LGSN: variants seen among roughly 807,000 people sequenced by gnomAD.
LGSN encodes lengsin.
A neutral mutation model predicts 19.5 loss-of-function variants in LGSN; 21 were observed. That is an observed-to-expected ratio of 1.07 (90% CI 0.76 to 1.55). The LOEUF is 1.55. LGSN is among the 40% of genes most tolerant of loss of function. LGSN has a pLI of 0.00. For missense variants in LGSN, 673 were observed against 608.5 expected, an observed-to-expected ratio of 1.11 and a Z score of -1.12; for synonymous variants, 257 against 215.6, an observed-to-expected ratio of 1.19 and a Z score of -1.68.
At chr6:63,458,153 C>T in the LGSN span, among the ~76,000 whole-genome samples, 1 of 152,046 alleles carries the variant, frequency 6.6e-6, no homozygotes, top group Non-Finnish European at 1.5e-5. Flanking sequence ...CTGCAGCCTC[C>T]ACCTCTGGGG....
At chr6:63,338,534 T>C in the LGSN span, among the ~76,000 whole-genome samples, 5,042 of 152,266 alleles carry the variant, frequency 0.033, 286 homozygotes, top group African/African-American at 0.12. Context: ...ATTTCTGTAG[T>C]ATCAGTCGTA....
chr6:63,531,795 A>G, the LGSN span, among the ~76,000 whole-genome samples: 1 of 151,516 alleles, frequency 6.6e-6, no homozygotes, highest in South Asian at 2.1e-4. Context: ...CCAGCCTCCC[A>G]TAACACTTTT....
chr6:63,363,729 G>A, the LGSN span, among the ~76,000 whole-genome samples: 1 of 152,204 alleles, frequency 6.6e-6, no homozygotes, highest in Non-Finnish European at 1.5e-5. Context: ...TCGGATTGGT[G>A]TACCTGAAAG....
the LGSN span, among the ~76,000 whole-genome samples, chr6:63,376,907 A>G: frequency 6.6e-6 from 1 of 152,194 alleles, no homozygotes; most frequent in Non-Finnish European, 1.5e-5. Flanking sequence ...GAGTGTTCCT[A>G]GGCTTCCAAA....
upstream of LGSN, among the ~76,000 whole-genome samples, chr6:63,322,453 A>T (rs1769106641): frequency 6.6e-6 from 1 of 152,158 alleles, no homozygotes. Context: ...TAAGAACATA[A>T]CAACCACGAC....
intron 1 of LGSN, among the ~76,000 whole-genome samples, chr6:63,302,755 C>T (rs1234250921): frequency 6.6e-6 from 1 of 152,126 alleles, no homozygotes; most frequent in Non-Finnish European, 1.5e-5. Flanking sequence ...AATATGAATT[C>T]ATTGTCGAGT....
chr6:63,548,809 G>T, the LGSN span: 1 of 738,352 alleles, frequency 1.4e-6, no homozygotes, highest in South Asian at 1.4e-5. Context: ...CAGTGACGGC[G>T]GATCTCATTG....
the LGSN span, among the ~76,000 whole-genome samples, chr6:63,450,839 A>G: frequency 7.9e-5 from 12 of 151,826 alleles, no homozygotes; most frequent in Middle Eastern, 3.4e-3. Flanking sequence ...CACCTGGCCA[A>G]TTTTTTGTAT....
Position 63,285,756 on chromosome 6 carries a change from G to T in LGSN, c.164-3C>A. 1 of 1,611,642 alleles carries T rather than the reference G, an allele frequency of 6.2e-7. No individual in the cohort carries two copies. The highest frequency in any genetic ancestry group is 8.5e-7 in the Non-Finnish European group (1 of 1,178,786). ...TTGACTGCTGTCCCTCATGCAATCTGCAAAATAAAAAAATAGGTTCTAACT... is the reference window on the plus strand; with the variant it reads ...TTGACTGCTGTCCCTCATGCAATCTTCAAAATAAAAAAATAGGTTCTAACT... On this transcript the variant is annotated splice_polypyrimidine_tract_variant and splice_region_variant and intron_variant, in intron 2 of 3. Coordinates refer to ENST00000370657, the MANE Select transcript of LGSN (RefSeq NM_016571.3).
the LGSN span, among the ~76,000 whole-genome samples, chr6:63,485,787 G>T: frequency 6.6e-6 from 1 of 152,106 alleles, no homozygotes; most frequent in Non-Finnish European, 1.5e-5. Flanking sequence ...GGAGTGCAGT[G>T]GCATGATCTC....
At chr6:63,357,584 G>A in the LGSN span, among the ~76,000 whole-genome samples, 3 of 152,188 alleles carry the variant, frequency 2.0e-5, no homozygotes, top group Non-Finnish European at 2.9e-5. Context: ...GATGGCCACT[G>A]ATGATGAACA....
At chr6:63,491,796 C>T in the LGSN span, among the ~76,000 whole-genome samples, 264 of 152,186 alleles carry the variant, frequency 1.7e-3, 2 homozygotes, top group Middle Eastern at 6.8e-3. Flanking sequence ...TCTGGGAGGC[C>T]GAGGCGGGCG....
the LGSN span, among the ~76,000 whole-genome samples, chr6:63,419,552 A>G: frequency 1.3e-5 from 2 of 152,054 alleles, no homozygotes; most frequent in African/African-American, 4.8e-5. Context: ...CCTCCTTACC[A>G]GGGAAGCTTG....
chr6:63,327,197 T>A, the LGSN span, among the ~76,000 whole-genome samples: 6 of 152,184 alleles, frequency 3.9e-5, no homozygotes, highest in African/African-American at 7.2e-5. Context: ...CAGTAGAAGT[T>A]GTTAGTTGAA....
chr6:63,445,399 C>G, the LGSN span, among the ~76,000 whole-genome samples: 1 of 152,274 alleles, frequency 6.6e-6, no homozygotes, highest in East Asian at 1.9e-4. Flanking sequence ...GGGCAGATCA[C>G]TTGAGGTCAG....
At chr6:63,320,027 CA>C (rs1769031376), upstream of LGSN, 1 of 1,006,768 alleles carries the variant, frequency 9.9e-7, no homozygotes, top group Non-Finnish European at 1.6e-6. Context: ...GTACCTACAA[CA>C]AAGACTGCAG....
chr6:63,452,484 C>T, the LGSN span, among the ~76,000 whole-genome samples: 2 of 152,122 alleles, frequency 1.3e-5, no homozygotes, highest in Admixed American at 1.3e-4. Context: ...TTCAGATTTT[C>T]TGTCTCTTCT....
chr6:63,292,045 A>G (rs1269992006), intron 2 of LGSN, among the ~76,000 whole-genome samples: 2 of 152,182 alleles, frequency 1.3e-5, no homozygotes, highest in Admixed American at 6.5e-5. Context: ...CACAGAAAGG[A>G]TTCTGGGAGA....
At chr6:63,500,427 A>T in the LGSN span, among the ~76,000 whole-genome samples, 1 of 148,754 alleles carries the variant, frequency 6.7e-6, no homozygotes, top group Non-Finnish European at 1.5e-5. Flanking sequence ...TTTTTAATTA[A>T]TTTTTTTTTT....
Sources: allele counts gnomAD v4.1 joint callset (sites outside exome capture counted in the v4.1 genomes callset), GRCh38; gene constraint gnomAD v4.1.1; transcripts MANE v1.5; gene names NCBI Gene and HGNC (gene_info 2026-07-23, HGNC 2026-07-21).